The following STXBP5L variants were observed in gnomAD, a reference collection of about 807,000 sequenced individuals.
STXBP5L encodes syntaxin binding protein 5L.
STXBP5L carries 65 observed loss-of-function variants against 144.5 expected under a neutral mutation model. The ratio of observed to expected loss-of-function variants is 0.45; its 90% CI spans 0.37 to 0.55. STXBP5L has a LOEUF of 0.55. Ranked by LOEUF, STXBP5L falls within the 20% of genes least tolerant of loss-of-function variation. STXBP5L has a pLI of 0.00. For synonymous variants in STXBP5L, 505 were observed against 469.6 expected, an observed-to-expected ratio of 1.08 and a Z score of -0.97; for missense variants, 1,298 against 1,405.5, an observed-to-expected ratio of 0.92 and a Z score of 1.22.
At chr3:121,220,354 G>A (rs2048937507) in intron 10 of STXBP5L, among the ~76,000 whole-genome samples, 2 of 151,886 alleles carry the variant, frequency 1.3e-5, no homozygotes, top group Non-Finnish European at 2.9e-5. Context: ...CAAGTATATG[G>A]TCATTTATTT....
intron 3 of STXBP5L, among the ~76,000 whole-genome samples, chr3:121,013,547 T>C (rs1245397063): frequency 6.6e-6 from 1 of 151,674 alleles, no homozygotes; most frequent in East Asian, 1.9e-4. Context: ...GTTATTTGTT[T>C]CTTATAGGTT....
rs2108759244 is a variant in STXBP5L, at chr3:121,419,132, T to C, written c.*35T>C. 3 of 1,595,690 alleles carry C rather than the reference T, an allele frequency of 1.9e-6. No homozygotes were observed. The East Asian group carries it at 6.7e-5, about 36-fold the overall frequency. On this transcript the variant is annotated 3_prime_UTR_variant, in exon 27 of 27. Transcript: ENST00000471454. The stretch of plus-strand genomic sequence containing the variant: ...AAGCTGTGACTGCTTTGAGAAACCA[T>C]ATTCAGGGAAACCAAATTTATTCCC...
At chr3:121,251,628 A>C (rs190493472) in intron 15 of STXBP5L, among the ~76,000 whole-genome samples, 276 of 152,294 alleles carry the variant, frequency 1.8e-3, no homozygotes, top group Middle Eastern at 6.8e-3. Flanking sequence ...TTTTTTAGTA[A>C]AACCATAAAA....
At chr3:121,307,388 A>G (rs886892363) in intron 19 of STXBP5L, among the ~76,000 whole-genome samples, 5 of 152,208 alleles carry the variant, frequency 3.3e-5, no homozygotes, top group Non-Finnish European at 4.4e-5. Context: ...AATATGCTTA[A>G]AGAACTGGAA....
At chr3:120,936,171 T>C (rs1710255131) in intron 2 of STXBP5L, among the ~76,000 whole-genome samples, 1 of 152,186 alleles carries the variant, frequency 6.6e-6, no homozygotes, top group Admixed American at 6.5e-5. Context: ...TCATTTCTGT[T>C]AGAGGGCTTT....
At chr3:121,311,237 AG>A (rs1577422671) in intron 19 of STXBP5L, among the ~76,000 whole-genome samples, 1 of 152,224 alleles carries the variant, frequency 6.6e-6, no homozygotes, top group African/African-American at 2.4e-5. Context: ...GGAGATATTG[AG>A]CAATTGGAAC....
At chr3:121,092,518 A>C (rs976215085) in intron 5 of STXBP5L, among the ~76,000 whole-genome samples, 2 of 152,032 alleles carry the variant, frequency 1.3e-5, no homozygotes, top group African/African-American at 4.8e-5. Flanking sequence ...TAGGTATTTT[A>C]TTCTCTTTGA....
intron 12 of STXBP5L, 119 bp from the exon 13 acceptor site, chr3:121,238,852 T>C: frequency 9.5e-7 from 1 of 1,051,422 alleles, no homozygotes; most frequent in South Asian, 2.6e-5. Context: ...TTTATGGTAC[T>C]TAAAAAACAA....
intron 8 of STXBP5L, among the ~76,000 whole-genome samples, chr3:121,154,386 C>T (rs2046044022): frequency 6.6e-6 from 1 of 151,750 alleles, no homozygotes; most frequent in South Asian, 2.1e-4. Context: ...CCAATAAGCT[C>T]TTCATTACTA....
intron 5 of STXBP5L, among the ~76,000 whole-genome samples, chr3:121,068,211 T>G (rs543920814): frequency 6.6e-6 from 1 of 152,168 alleles, no homozygotes; most frequent in Non-Finnish European, 1.5e-5. Flanking sequence ...GGTTTCACCA[T>G]GTTGGCCATG....
chr3:120,973,629 G>T (rs957930197), intron 3 of STXBP5L, among the ~76,000 whole-genome samples: 1 of 151,704 alleles, frequency 6.6e-6, no homozygotes, highest in Admixed American at 6.6e-5. Flanking sequence ...TGCCATTCTG[G>T]TGTGCTGCAC....
chr3:120,979,239 G>A (rs1216431898), intron 3 of STXBP5L, among the ~76,000 whole-genome samples: 1 of 152,202 alleles, frequency 6.6e-6, no homozygotes, highest in African/African-American at 2.4e-5. Flanking sequence ...ACCTAAGCAA[G>A]CCTGGGCAAT....
At chr3:121,216,137 A>G (rs2108271617) in intron 10 of STXBP5L, among the ~76,000 whole-genome samples, 1 of 152,246 alleles carries the variant, frequency 6.6e-6, no homozygotes, top group Middle Eastern at 3.4e-3. Flanking sequence ...GGGTTAGAAC[A>G]TGCTCCTTTA....
At chr3:121,060,705 T>A (rs1342627555) in intron 5 of STXBP5L, among the ~76,000 whole-genome samples, 1 of 152,074 alleles carries the variant, frequency 6.6e-6, no homozygotes, top group Non-Finnish European at 1.5e-5. Context: ...ACTTGGGAGG[T>A]TATATGTGTT....
intron 9 of STXBP5L, among the ~76,000 whole-genome samples, chr3:121,188,237 T>C (rs1324338915): frequency 6.6e-6 from 1 of 152,222 alleles, no homozygotes; most frequent in Non-Finnish European, 1.5e-5. Context: ...ATATACATTC[T>C]TCTCAGCACC....
intron 20 of STXBP5L, among the ~76,000 whole-genome samples, chr3:121,355,252 A>C (rs1163560112): frequency 6.6e-6 from 1 of 152,190 alleles, no homozygotes; most frequent in Non-Finnish European, 1.5e-5. Context: ...AAGTTGGGGA[A>C]GTTCTCCTGG....
intron 19 of STXBP5L, among the ~76,000 whole-genome samples, 173 bp downstream of exon 19, chr3:121,280,129 T>C (rs563898504): frequency 1.3e-5 from 2 of 151,956 alleles, no homozygotes; most frequent in South Asian, 2.1e-4. Context: ...GTGAGAATCT[T>C]TGAAAGGGTC....
chr3:121,228,103 T>C (rs1052302892), intron 11 of STXBP5L, among the ~76,000 whole-genome samples: 3 of 152,212 alleles, frequency 2.0e-5, no homozygotes, highest in Non-Finnish European at 4.4e-5. Flanking sequence ...CACTGCTAAA[T>C]AATAGTTACT....
chr3:121,243,482 T>A (rs529702032), intron 14 of STXBP5L, among the ~76,000 whole-genome samples: 1 of 151,866 alleles, frequency 6.6e-6, no homozygotes, highest in South Asian at 2.1e-4. Context: ...ATTTTTCACA[T>A]TAAAGTCAAC....
Sources: allele counts gnomAD v4.1 joint callset (sites outside exome capture counted in the v4.1 genomes callset), GRCh38; gene constraint gnomAD v4.1.1; transcripts MANE v1.5; gene names NCBI Gene and HGNC (gene_info 2026-07-23, HGNC 2026-07-21).